The following MBD5 variants were observed in gnomAD, a reference collection of about 807,000 sequenced individuals.
MBD5 encodes the protein methyl-CpG-binding domain protein 5.
MBD5 carries 13 observed loss-of-function variants against 117.3 expected under a neutral mutation model. The ratio of observed to expected loss-of-function variants is 0.11; its 90% CI spans 0.07 to 0.18. The LOEUF is 0.18. MBD5 is among the 10% of genes least tolerant of loss of function. The pLI is 1.00. For synonymous variants in MBD5, 727 were observed against 766.4 expected, an observed-to-expected ratio of 0.95 and a Z score of 0.85; for missense variants, 1,879 against 2,093.8, an observed-to-expected ratio of 0.90 and a Z score of 2.00.
chr2:148,207,149 C>T (rs1306908163), intron 2 of MBD5, among the ~76,000 whole-genome samples: 1 of 152,158 alleles, frequency 6.6e-6, no homozygotes, highest in Non-Finnish European at 1.5e-5. Flanking sequence ...TACAGGACCA[C>T]GTAACTTGCT....
In MBD5 at chr2:148,021,617, C is replaced by A. The variant is rs543189912; in HGVS notation, c.-992C>A. 8.6e-6 allele frequency: 4 copies of A among 465,282 alleles called. No homozygotes were observed. Among genetic ancestry groups the A allele is most frequent in the East Asian group, 1.1e-4 (2 of 17,872 alleles). 28.8% of individuals were successfully genotyped at this position (465,282 alleles called of 1,614,324 possible). ...TCGCCTCCTCCTCCTCCACTCCCCCCCTTTATTACCCTTTGTGTCATCCTC... is the reference window on the plus strand; with the variant it reads ...TCGCCTCCTCCTCCTCCACTCCCCCACTTTATTACCCTTTGTGTCATCCTC... On this transcript the variant is annotated 5_prime_UTR_variant, in exon 1 of 14. Coordinates refer to ENST00000642680, the MANE Select transcript of MBD5 (RefSeq NM_001378120.1).
chr2:148,447,046 G>A (rs1039805909), intron 4 of MBD5, among the ~76,000 whole-genome samples: 1 of 150,266 alleles, frequency 6.7e-6, no homozygotes, highest in African/African-American at 2.5e-5. Context: ...GCCAATGATG[G>A]TGGAAAGAGA....
intron 1 of MBD5, among the ~76,000 whole-genome samples, chr2:148,086,222 C>G (rs1289832946): frequency 1.3e-5 from 2 of 151,324 alleles, no homozygotes; most frequent in African/African-American, 4.9e-5. Context: ...GTTTCTGAAA[C>G]TTTACTGGCC....
chr2:148,307,842 C>A (rs755006772), intron 3 of MBD5, among the ~76,000 whole-genome samples: 1 of 151,984 alleles, frequency 6.6e-6, no homozygotes, highest in African/African-American at 2.4e-5. Flanking sequence ...CTCCCTGTGA[C>A]CATATGTTCT....
chr2:148,448,961 A>G (rs777122976), intron 4 of MBD5, among the ~76,000 whole-genome samples: 2 of 152,068 alleles, frequency 1.3e-5, no homozygotes. Flanking sequence ...AGAAATCACC[A>G]TATTACAGAA....
intron 7 of MBD5, among the ~76,000 whole-genome samples, chr2:148,464,801 T>TAAAAA (rs149132860): frequency 7.1e-6 from 1 of 141,296 alleles, no homozygotes; most frequent in Admixed American, 7.1e-5. Context: ...CTAAAATAAT[T>TAAAAA]TAAAAAAAAA....
intron 12 of MBD5, among the ~76,000 whole-genome samples, chr2:148,505,031 A>C (rs1375999677): frequency 1.3e-5 from 2 of 152,210 alleles, no homozygotes. Context: ...GGCAGAATAC[A>C]AGGGAGAACG....
chr2:148,111,024 G>A (rs896753503), intron 1 of MBD5, among the ~76,000 whole-genome samples: 17 of 151,720 alleles, frequency 1.1e-4, no homozygotes, highest in African/African-American at 3.4e-4. Flanking sequence ...AAATTTAATC[G>A]GGGGATATTT....
At chr2:148,165,639 T>C (rs1698110236) in intron 1 of MBD5, among the ~76,000 whole-genome samples, 1 of 152,124 alleles carries the variant, frequency 6.6e-6, no homozygotes, top group African/African-American at 2.4e-5. Context: ...CAGTCTTCTG[T>C]GCCAATTTAA....
chr2:148,097,720 A>T (rs934254761), intron 1 of MBD5, among the ~76,000 whole-genome samples: 4 of 152,212 alleles, frequency 2.6e-5, no homozygotes, highest in African/African-American at 9.7e-5. Flanking sequence ...ACTATTTGGT[A>T]AATACCAACT....
intron 4 of MBD5, among the ~76,000 whole-genome samples, chr2:148,354,946 T>C (rs1432529347): frequency 6.6e-6 from 1 of 152,192 alleles, no homozygotes; most frequent in Non-Finnish European, 1.5e-5. Context: ...TTTGATGGAC[T>C]TTTTCATAAT....
intron 4 of MBD5, among the ~76,000 whole-genome samples, chr2:148,419,199 C>A (rs1394320056): frequency 6.6e-6 from 1 of 152,094 alleles, no homozygotes; most frequent in African/African-American, 2.4e-5. Context: ...GATACTGGAT[C>A]CCTATCTCTT....
chr2:148,088,987 A>C (rs1695866906), intron 1 of MBD5, among the ~76,000 whole-genome samples: 1 of 152,114 alleles, frequency 6.6e-6, no homozygotes, highest in South Asian at 2.1e-4. Flanking sequence ...ACTCATATAA[A>C]CTTGAGGTAA....
chr2:148,328,901 A>T (rs1412313794), intron 3 of MBD5, among the ~76,000 whole-genome samples: 6 of 152,218 alleles, frequency 3.9e-5, no homozygotes, highest in Non-Finnish European at 7.4e-5. Flanking sequence ...CTTTAATTAA[A>T]GTTATCTTTA....
intron 1 of MBD5, among the ~76,000 whole-genome samples, chr2:148,106,058 G>A (rs1696364037): frequency 6.6e-6 from 1 of 151,848 alleles, no homozygotes; most frequent in African/African-American, 2.4e-5. Flanking sequence ...ACATAATCAA[G>A]TTCTGCATAT....
At chr2:148,482,527 A>G (rs1424960560) in intron 8 of MBD5, among the ~76,000 whole-genome samples, 1 of 152,128 alleles carries the variant, frequency 6.6e-6, no homozygotes, top group East Asian at 1.9e-4. Context: ...CTGCATATGT[A>G]TAGACATGCA....
chr2:148,090,325 C>A (rs1433204284), intron 1 of MBD5, among the ~76,000 whole-genome samples: 1 of 151,976 alleles, frequency 6.6e-6, no homozygotes, highest in Non-Finnish European at 1.5e-5. Context: ...AGAGAATCTT[C>A]CCTAAATCAT....
chr2:148,471,404 G>A (rs766798306), intron 8 of MBD5: 2 of 152,096 alleles, frequency 1.3e-5, no homozygotes, highest in Admixed American at 6.6e-5. Context: ...TGATTTATGA[G>A]AAATGACAAG....
chr2:148,447,673 T>C (rs1706606273), intron 4 of MBD5: 1 of 152,166 alleles, frequency 6.6e-6, no homozygotes, highest in Admixed American at 6.6e-5. Context: ...CAGCCACTGC[T>C]CCATTCCAGA....
Sources: allele counts gnomAD v4.1 joint callset (sites outside exome capture counted in the v4.1 genomes callset), GRCh38; gene constraint gnomAD v4.1.1; transcripts MANE v1.5; gene names NCBI Gene and HGNC (gene_info 2026-07-23, HGNC 2026-07-21).